The following CDH13 variants were observed in gnomAD, a reference collection of about 807,000 sequenced individuals.
CDH13 encodes the protein cadherin-13.
CDH13 carries 24 observed loss-of-function variants against 63.8 expected under a neutral mutation model. The ratio of observed to expected loss-of-function variants is 0.38; its 90% CI spans 0.27 to 0.53. The LOEUF (loss-of-function observed/expected upper bound fraction) is 0.53. CDH13 is among the 20% of genes least tolerant of loss of function. The probability of loss-of-function intolerance (pLI) is 0.85; values close to 1 mark genes in which losing one functional copy is unlikely to be tolerated. For synonymous variants in CDH13, 503 were observed against 355.3 expected, an observed-to-expected ratio of 1.42 and a Z score of -4.67; for missense variants, 1,049 against 903.1, an observed-to-expected ratio of 1.16 and a Z score of -2.07.
chr16:83,490,579 T>G (rs1395606983), intron 7 of CDH13, among the ~76,000 whole-genome samples: 1 of 152,202 alleles, frequency 6.6e-6, no homozygotes, highest in South Asian at 2.1e-4. Context: ...CTATGGCCTA[T>G]CTGCTTGCAC....
At chr16:83,128,220 A>C (rs1175819782) in intron 4 of CDH13, among the ~76,000 whole-genome samples, 5 of 152,182 alleles carry the variant, frequency 3.3e-5, no homozygotes, top group Non-Finnish European at 7.3e-5. Flanking sequence ...ATATGTTAAA[A>C]TATCCGAGGT....
chr16:83,551,861 T>C (rs1440843103), intron 7 of CDH13, among the ~76,000 whole-genome samples: 2 of 152,288 alleles, frequency 1.3e-5, no homozygotes, highest in Admixed American at 6.5e-5. Context: ...GCAACTAATA[T>C]GGTTCCTGGC....
chr16:82,633,625 C>T (rs1162531608), intron 1 of CDH13, among the ~76,000 whole-genome samples: 1 of 152,206 alleles, frequency 6.6e-6, no homozygotes, highest in African/African-American at 2.4e-5. Flanking sequence ...GATCCACCTG[C>T]CTCGGCCTCC....
chr16:83,130,996 G>C (rs1370016285), intron 4 of CDH13, among the ~76,000 whole-genome samples: 8 of 152,336 alleles, frequency 5.3e-5, no homozygotes, highest in South Asian at 4.1e-4. Context: ...CCAGGGATGA[G>C]AGAAAGTGTC....
chr16:82,873,033 G>C (rs7198913), intron 2 of CDH13, among the ~76,000 whole-genome samples: 113,650 of 152,084 alleles, frequency 0.75, 42,777 homozygotes, highest in East Asian at 0.88. Context: ...AAGGAAATAA[G>C]GCAAGGTCAT....
At chr16:83,323,753 C>T (rs933670217) in intron 5 of CDH13, among the ~76,000 whole-genome samples, 3 of 152,238 alleles carry the variant, frequency 2.0e-5, no homozygotes, top group Admixed American at 1.3e-4. Flanking sequence ...CCATCACACT[C>T]TCCCTGCACC....
chr16:82,778,864 G>T (rs1597550035), intron 1 of CDH13, among the ~76,000 whole-genome samples: 1 of 152,146 alleles, frequency 6.6e-6, no homozygotes, highest in Non-Finnish European at 1.5e-5. Flanking sequence ...TAGATTAGCT[G>T]AGTCTTAGGA....
chr16:83,055,686 C>T (rs985451655), intron 3 of CDH13, among the ~76,000 whole-genome samples: 1 of 151,950 alleles, frequency 6.6e-6, no homozygotes, highest in Non-Finnish European at 1.5e-5. Context: ...AGAAAATACA[C>T]TAATCTTATG....
intron 6 of CDH13, among the ~76,000 whole-genome samples, chr16:83,376,944 G>A (rs991554197): frequency 6.6e-6 from 1 of 152,164 alleles, no homozygotes; most frequent in African/African-American, 2.4e-5. Context: ...CCTGGAGACT[G>A]CCCTGTGTGG....
chr16:83,046,271 G>A (rs1035494754), intron 3 of CDH13, among the ~76,000 whole-genome samples: 10 of 152,056 alleles, frequency 6.6e-5, no homozygotes, highest in African/African-American at 2.4e-4. Flanking sequence ...TTGCTGAATT[G>A]CTTCTATCTT....
intron 1 of CDH13, among the ~76,000 whole-genome samples, chr16:82,709,282 GA>G (rs1327309354): frequency 6.6e-6 from 1 of 152,056 alleles, no homozygotes; most frequent in African/African-American, 2.4e-5. Context: ...CCAAGAAAAA[GA>G]AAAAAATTCT....
rs150187207 is a variant in CDH13, at chr16:82,927,487, C to T, written c.157+69014C>T. On this transcript the variant is annotated intron_variant, in intron 2 of 13. Transcript: ENST00000567109. Reference sequence around the variant, plus strand: ...GGATACCTCACGTGAGTAGAGGCTGCGGGTATTTAGAAGACCCAAAACAGA... The same window carrying T: ...GGATACCTCACGTGAGTAGAGGCTGTGGGTATTTAGAAGACCCAAAACAGA... Among the ~76,000 whole-genome samples, 50 of 152,220 alleles carry T rather than the reference C, an allele frequency of 3.3e-4. No homozygotes were observed. In the East Asian group the frequency reaches 8.9e-3, roughly 27 times the overall value.
intron 6 of CDH13, among the ~76,000 whole-genome samples, chr16:83,357,366 C>T (rs115223980): frequency 5.2e-4 from 79 of 152,242 alleles, no homozygotes; most frequent in African/African-American, 1.4e-3. Flanking sequence ...TTCACATACA[C>T]ACACATGAAA....
At chr16:83,533,977 A>G (rs2075135483) in intron 7 of CDH13, among the ~76,000 whole-genome samples, 1 of 152,218 alleles carries the variant, frequency 6.6e-6, no homozygotes, top group South Asian at 2.1e-4. Flanking sequence ...TTGTCAAGGC[A>G]AAATTCACAT....
intron 4 of CDH13, among the ~76,000 whole-genome samples, chr16:83,136,356 T>G (rs2036284755): frequency 1.3e-5 from 2 of 151,040 alleles, no homozygotes; most frequent in Non-Finnish European, 3.0e-5. Context: ...CGTAGTGGTG[T>G]GCGCCTGTAG....
chr16:83,031,254 TACACC>T (rs1916290819), intron 2 of CDH13, among the ~76,000 whole-genome samples: 1 of 146,288 alleles, frequency 6.8e-6, no homozygotes, highest in African/African-American at 2.5e-5. Flanking sequence ...TGCGCATGTA[TACACC>T]ATATACATGC....
At chr16:83,753,681 G>A (rs1253801875) in intron 11 of CDH13, among the ~76,000 whole-genome samples, 2 of 152,122 alleles carry the variant, frequency 1.3e-5, no homozygotes, top group Non-Finnish European at 2.9e-5. Context: ...CACTAGGAAA[G>A]CTGAACCAAA....
chr16:83,616,042 G>C (rs551954249), intron 8 of CDH13, among the ~76,000 whole-genome samples: 5 of 152,274 alleles, frequency 3.3e-5, no homozygotes, highest in African/African-American at 1.2e-4. Context: ...GAATAAAAGA[G>C]AGTGAAGGGA....
intron 7 of CDH13, among the ~76,000 whole-genome samples, chr16:83,595,298 A>G (rs1435739450): frequency 6.6e-6 from 1 of 152,234 alleles, no homozygotes; most frequent in African/African-American, 2.4e-5. Flanking sequence ...GACATAATTT[A>G]GTTCAGGGAA....
Sources: allele counts gnomAD v4.1 joint callset (sites outside exome capture counted in the v4.1 genomes callset), GRCh38; gene constraint gnomAD v4.1.1; transcripts MANE v1.5; gene names NCBI Gene and HGNC (gene_info 2026-07-23, HGNC 2026-07-21).